Variants in HFM1 observed in about 807,000 individuals in gnomAD.
HFM1 encodes probable ATP-dependent DNA helicase HFM1.
Under a neutral mutation model 192.1 loss-of-function variants are expected in HFM1, and 169 were observed. The ratio of observed to expected loss-of-function variants is 0.88; its 90% CI spans 0.78 to 1.00. The LOEUF (loss-of-function observed/expected upper bound fraction) is 1.00, where lower values mean the gene tolerates loss of function less well. Among genes scored for constraint, HFM1 ranks in the 50% least tolerant of loss-of-function variants. The pLI is 0.00. For synonymous variants in HFM1, 525 were observed against 537.8 expected, an observed-to-expected ratio of 0.98 and a Z score of 0.33; for missense variants, 1,661 against 1,668.0, an observed-to-expected ratio of 1.00 and a Z score of 0.07.
chr1:91,322,063 G>A (rs967978910), intron 23 of HFM1, among the ~76,000 whole-genome samples: 4 of 152,148 alleles, frequency 2.6e-5, no homozygotes, highest in Admixed American at 2.6e-4. Context: ...GATCTCTTAA[G>A]TTTACTATGA....
intron 30 of HFM1, among the ~76,000 whole-genome samples, chr1:91,295,553 T>C (rs71668070): frequency 6.6e-6 from 1 of 152,214 alleles, no homozygotes; most frequent in Non-Finnish European, 1.5e-5. Context: ...CAATTATCTT[T>C]TACAGACCCT....
At chr1:91,276,902 C>T in intron 31 of HFM1, 80 bp downstream of exon 31, 1 of 877,178 alleles carries the variant, frequency 1.1e-6, no homozygotes, top group Non-Finnish European at 1.8e-6. Flanking sequence ...AAATATCATA[C>T]ATAATTAGGA....
chr1:91,289,036 C>T (rs12077518), intron 30 of HFM1, among the ~76,000 whole-genome samples: 30,148 of 150,580 alleles, frequency 0.2, 3,408 homozygotes, highest in Non-Finnish European at 0.26. Context: ...GGCAGCTGGC[C>T]GGGCGGGGGC....
chr1:91,293,176 T>C (rs1668982549), intron 30 of HFM1, among the ~76,000 whole-genome samples: 1 of 152,050 alleles, frequency 6.6e-6, no homozygotes, highest in Non-Finnish European at 1.5e-5. Flanking sequence ...CCAAAAGCAA[T>C]GGCAACAAAA....
intron 1 of HFM1, among the ~76,000 whole-genome samples, chr1:91,402,290 G>T (rs1285876983): frequency 6.6e-6 from 1 of 152,128 alleles, no homozygotes; most frequent in Admixed American, 6.5e-5. Context: ...CTTGACAAAT[G>T]CTACTGTATG....
intron 20 of HFM1, among the ~76,000 whole-genome samples, chr1:91,343,221 ACT>A (rs1327651497): frequency 2.4e-5 from 2 of 82,304 alleles, no homozygotes; most frequent in East Asian, 7.1e-4. Context: ...AAAGAGTGAG[ACT>A]CTGTCTCAAA....
chr1:91,382,549 T>A (rs908515251), intron 6 of HFM1, among the ~76,000 whole-genome samples: 2 of 152,210 alleles, frequency 1.3e-5, no homozygotes, highest in African/African-American at 4.8e-5. Context: ...TACTTTCTGA[T>A]GTGCAAAGTG....
chr1:91,273,660 AAAGT>A (rs1666526781), intron 34 of HFM1, 48 bp downstream of exon 34: 1 of 920,486 alleles, frequency 1.1e-6, no homozygotes, highest in Middle Eastern at 2.3e-4. Context: ...TCGTCAATTC[AAAGT>A]AATAATAAGC....
intron 13 of HFM1, among the ~76,000 whole-genome samples, chr1:91,363,664 A>C (rs1658840070): frequency 6.6e-6 from 1 of 152,196 alleles, no homozygotes; most frequent in African/African-American, 2.4e-5. Context: ...ATACCATTTG[A>C]CCTAGCAATC....
chr1:91,303,425 T>C lies in HFM1; in HGVS notation c.3391+9924A>G, dbSNP rs562435904. On this transcript the variant is annotated intron_variant, in intron 30 of 38. Transcript: ENST00000370425. ...TTATCTATTCATCAGTTGATAGATA[T>C]TTGGGTTGTTTCCAGTTTGGGCTAT... 5.9e-5 allele frequency among the ~76,000 whole-genome samples: 9 copies of C among 152,332 alleles called. No homozygotes were observed. The South Asian group carries it at 1.9e-3, about 32-fold the overall frequency.
At chr1:91,383,000 T>A (rs1661741538) in intron 6 of HFM1, among the ~76,000 whole-genome samples, 2 of 152,050 alleles carry the variant, frequency 1.3e-5, no homozygotes, top group African/African-American at 4.8e-5. Context: ...AATAAGAAAA[T>A]AAGGTGTGTC....
chr1:91,318,128 G>A (rs901534998), intron 25 of HFM1, among the ~76,000 whole-genome samples: 3 of 152,024 alleles, frequency 2.0e-5, no homozygotes, highest in African/African-American at 7.3e-5. Flanking sequence ...TGCCTTTGTG[G>A]GATGGATGTG....
At position 91,322,980 on chromosome 1, in the gene HFM1, C is replaced by T; in HGVS notation, c.2552G>A (p.Arg851Lys). The T allele has an allele frequency of 7.3e-7, 1 of 1,372,938 alleles. No individual in the cohort carries two copies. Among genetic ancestry groups the T allele is most frequent in the South Asian group, 1.6e-5 (1 of 63,944 alleles). The allele number at this position is 1,372,938 out of a possible 1,614,324, so 85.0% of individuals were successfully genotyped here. ...RITIRFPMEG[R>K]IKTREMKVNC... ...TACTTTCATTTCTCTTGTTTTAATT[C>T]TTCCTTCCATTGGAAATCTGTAAAT... Residue 851 changes from arginine to lysine, a missense_variant, in exon 23 of 39, where the codon AGA (arginine) becomes AAA (lysine). Arg to Lys is a conservative substitution (Grantham distance 26). Coordinates refer to ENST00000370425, the MANE Select transcript of HFM1 (RefSeq NM_001017975.6).
Position 91,352,666 on chromosome 1 carries a change from G to T in HFM1, c.1832-15C>A. 1 of 1,562,818 alleles carries T rather than the reference G, an allele frequency of 6.4e-7. No individual in the cohort carries two copies. The highest frequency in any genetic ancestry group is 1.2e-5 in the South Asian group (1 of 80,270). On this transcript the variant is annotated splice_polypyrimidine_tract_variant and intron_variant, in intron 15 of 38. Transcript: ENST00000370425. Reference sequence around the variant, plus strand: ...ACTGGTAGTAACTGCATCAGATTAAGACATAGTAATTTTGAGCCATTTAAC... The same window carrying T: ...ACTGGTAGTAACTGCATCAGATTAATACATAGTAATTTTGAGCCATTTAAC...
At chr1:91,281,046 G>T (rs1311909751) in intron 30 of HFM1, among the ~76,000 whole-genome samples, 1 of 152,092 alleles carries the variant, frequency 6.6e-6, no homozygotes, top group Non-Finnish European at 1.5e-5. Flanking sequence ...CCGAAGAGGG[G>T]GCACAATCAG....
intron 36 of HFM1, among the ~76,000 whole-genome samples, chr1:91,264,361 A>ATTTTTTTTTTTTGTTTTTTTTTTTTTTT (rs1665486577): frequency 1.8e-5 from 1 of 57,058 alleles, no homozygotes; most frequent in Non-Finnish European, 3.0e-5. Flanking sequence ...CAAATTTAGT[A>ATTTTTTTTTTTTGTTTTTTTTTTTTTTT]TTTTTTTTTT....
At chr1:91,297,470 T>C (rs552263505) in intron 30 of HFM1, among the ~76,000 whole-genome samples, 59 of 152,184 alleles carry the variant, frequency 3.9e-4, no homozygotes, top group Non-Finnish European at 3.1e-4. Context: ...CAGCTGGAGA[T>C]CTGAGAACAG....
chr1:91,349,131 T>C (rs1425433689), intron 18 of HFM1, among the ~76,000 whole-genome samples: 4 of 151,854 alleles, frequency 2.6e-5, no homozygotes, highest in East Asian at 1.9e-4. Context: ...CTGCTAAAAA[T>C]AGAAAAAATT....
chr1:91,403,634 G>C (rs552195425), intron 1 of HFM1, among the ~76,000 whole-genome samples: 1 of 151,956 alleles, frequency 6.6e-6, no homozygotes, highest in Non-Finnish European at 1.5e-5. Flanking sequence ...TCAGCACGTG[G>C]CACAAAATTA....
Sources: gnomAD v4.1 joint callset for allele counts (sites outside exome capture counted in the v4.1 genomes callset) on GRCh38, gnomAD v4.1.1 for gene constraint, MANE v1.5 for transcripts, NCBI Gene and HGNC (gene_info 2026-07-23, HGNC 2026-07-21) for gene names.